Variants in IFI27L1 observed in about 807,000 individuals in gnomAD.
IFI27L1 encodes the protein interferon alpha inducible protein 27 like 1.
IFI27L1 carries 3 observed loss-of-function variants against 9.2 expected under a neutral mutation model. The observed-to-expected ratio is 0.32, with a 90% CI of 0.15 to 0.84. The LOEUF is 0.84. Among genes scored for constraint, IFI27L1 ranks in the 40% least tolerant of loss-of-function variants. The pLI is 0.56. For missense variants in IFI27L1, 133 were observed against 134.2 expected (o/e 0.99, Z 0.05); for synonymous variants, 53 against 50.0 (o/e 1.06, Z -0.26).
At chr14:94,084,999 GAA>G (rs142875163) in intron 1 of IFI27L1, among the ~76,000 whole-genome samples, 1 of 149,120 alleles carries the variant, frequency 6.7e-6, no homozygotes, top group Non-Finnish European at 1.5e-5. Flanking sequence ...CTGTGTGGGG[GAA>G]AAAAAAAAGT....
intron 1 of IFI27L1, among the ~76,000 whole-genome samples, chr14:94,095,384 C>T (rs1027478541): frequency 4.6e-5 from 7 of 152,128 alleles, no homozygotes; most frequent in Non-Finnish European, 1.0e-4. Context: ...TACTCAATGT[C>T]TACTTGATCT....
chr14:94,088,138 G>T, intron 1 of IFI27L1: 1 of 648,940 alleles, frequency 1.5e-6, no homozygotes, highest in South Asian at 1.7e-5. Flanking sequence ...GACCTGAATT[G>T]TGCCAAGCTG....
chr14:94,100,710 G>GT (rs550688628), intron 2 of IFI27L1, 29 bp from the exon 3 acceptor site: 5 of 1,443,234 alleles, frequency 3.5e-6, no homozygotes, highest in African/African-American at 2.9e-5. Context: ...TTGTTTGTTT[G>GT]TTGTTGTTGT....
Position 94,102,470 on chromosome 14 carries a change from C to A in IFI27L1, c.224-7C>A. Reference sequence around the variant, plus strand: ...GTGCCCTGTGCTCACCCTCTCTTCTCCCCCAGGGGCAGCTGGACTCTCTGT... The same window carrying A: ...GTGCCCTGTGCTCACCCTCTCTTCTACCCCAGGGGCAGCTGGACTCTCTGT... On this transcript the variant is annotated splice_region_variant and splice_polypyrimidine_tract_variant and intron_variant, in intron 4 of 4. Transcript: ENST00000555523. 2.6e-6 allele frequency: 4 copies of A among 1,562,706 alleles called. No homozygotes were observed. The highest frequency in any genetic ancestry group is 2.4e-5 in the South Asian group (2 of 82,666).
chr14:94,100,653 A>G (rs1886858215), intron 2 of IFI27L1, 86 bp from the exon 3 acceptor site: 16 of 1,599,998 alleles, frequency 1.0e-5, no homozygotes, highest in Non-Finnish European at 1.3e-5. Flanking sequence ...GCAAAGTTGA[A>G]TTTGAGATGG....
intron 4 of IFI27L1, 149 bp from the exon 5 acceptor site, chr14:94,102,328 C>T (rs977774102): frequency 1.2e-5 from 7 of 594,844 alleles, no homozygotes; most frequent in Non-Finnish European, 1.8e-5. Context: ...GAGCAGAAAT[C>T]CTAGGGTTTT....
intron 1 of IFI27L1, among the ~76,000 whole-genome samples, chr14:94,087,351 G>A (rs1011479599): frequency 4.6e-5 from 7 of 152,180 alleles, no homozygotes; most frequent in South Asian, 2.1e-4. Context: ...ATACAAAAGC[G>A]TGAAAACCCT....
intron 2 of IFI27L1, 177 bp from the exon 3 acceptor site, chr14:94,100,562 G>T (rs1886854904): frequency 1.0e-6 from 1 of 985,304 alleles, no homozygotes; most frequent in South Asian, 4.7e-5. Context: ...AAGGTGCCAC[G>T]TGCAGAGCCC....
chr14:94,102,016 C>A, intron 4 of IFI27L1, 41 bp downstream of exon 4: 1 of 1,611,332 alleles, frequency 6.2e-7, no homozygotes, highest in Non-Finnish European at 8.5e-7. Flanking sequence ...AGGAGATGAT[C>A]CAGCCCCGAG....
intron 2 of IFI27L1, among the ~76,000 whole-genome samples, chr14:94,099,753 TAG>T (rs1886821954): frequency 6.6e-6 from 1 of 152,246 alleles, no homozygotes; most frequent in Admixed American, 6.5e-5. Context: ...AAGCTTGTGT[TAG>T]AGTCAGAAAA....
intron 2 of IFI27L1, chr14:94,097,343 C>T: frequency 1.9e-6 from 1 of 537,388 alleles, no homozygotes; most frequent in Non-Finnish European, 3.3e-6. Flanking sequence ...GCTGCAGTGG[C>T]CTTTCTGCAA....
At chr14:94,088,242 T>C (rs973559440) in intron 1 of IFI27L1, 5 of 702,192 alleles carry the variant, frequency 7.1e-6, no homozygotes, top group Non-Finnish European at 1.0e-5. Flanking sequence ...ACTTGTTTTT[T>C]TGCAGTAGCA....
chr14:94,097,587 C>T, intron 2 of IFI27L1: 1 of 701,258 alleles, frequency 1.4e-6, no homozygotes, highest in East Asian at 2.7e-5. Flanking sequence ...TTAGGAAGCT[C>T]CTCCAGTCAT....
chr14:94,099,851 A>C (rs2402414), intron 2 of IFI27L1, among the ~76,000 whole-genome samples: 35 of 35,812 alleles, frequency 9.8e-4, no homozygotes, highest in African/African-American at 6.6e-3. Context: ...CTAGGACAGA[A>C]TGCTAATAGA....
chr14:94,099,796 G>A (rs2139274993), intron 2 of IFI27L1, among the ~76,000 whole-genome samples: 1 of 152,184 alleles, frequency 6.6e-6, no homozygotes, highest in South Asian at 2.1e-4. Flanking sequence ...GGCCTCTAGG[G>A]GGCTGCTCGC....
intron 1 of IFI27L1, among the ~76,000 whole-genome samples, chr14:94,093,067 A>C (rs928894628): frequency 6.6e-6 from 1 of 152,018 alleles, no homozygotes; most frequent in African/African-American, 2.4e-5. Flanking sequence ...AACACATCCC[A>C]ATACCAGGAG....
In IFI27L1 at chr14:94,096,929, G is replaced by C. The variant is rs776719431; in HGVS notation, c.-9G>C. ...CGAGTGGAGGCTCACCGAGGCGAAG[G>C]GGCCAACCATGGGAAAGGAGAGTGG... On this transcript the variant is annotated 5_prime_UTR_variant, in exon 2 of 5. Transcript: ENST00000555523. 6.2e-7 allele frequency: 1 copy of C among 1,613,524 alleles called. No individual in the cohort carries two copies. Among genetic ancestry groups the C allele is most frequent in the East Asian group, 2.2e-5 (1 of 44,872 alleles).
intron 2 of IFI27L1, among the ~76,000 whole-genome samples, chr14:94,098,193 C>T (rs181724293): frequency 2.5e-4 from 38 of 152,300 alleles, no homozygotes; most frequent in Admixed American, 2.2e-3. Flanking sequence ...TTTACTTTCT[C>T]ACCGTTCTGG....
At chr14:94,100,557 G>A (rs1169887586) in intron 2 of IFI27L1, 182 bp from the exon 3 acceptor site, 1 of 985,452 alleles carries the variant, frequency 1.0e-6, no homozygotes, top group Non-Finnish European at 1.2e-6. Context: ...TGCAGAAGGT[G>A]CCACGTGCAG....
Sources: allele counts gnomAD v4.1 joint callset (sites outside exome capture counted in the v4.1 genomes callset), GRCh38; gene constraint gnomAD v4.1.1; transcripts MANE v1.5; gene names NCBI Gene and HGNC (gene_info 2026-07-23, HGNC 2026-07-21).